Variants in UST observed in about 807,000 individuals in gnomAD.
UST encodes chondroitin sulfate 2-O-sulfotransferase.
Under a neutral mutation model 45.6 loss-of-function variants are expected in UST, and 21 were observed. The ratio of observed to expected loss-of-function variants is 0.46; its 90% CI spans 0.33 to 0.66. The LOEUF (loss-of-function observed/expected upper bound fraction) is 0.66, where lower values mean the gene tolerates loss of function less well. Among genes scored for constraint, UST ranks in the 30% least tolerant of loss-of-function variants. UST has a pLI of 0.02. For synonymous variants in UST, 215 were observed against 200.6 expected, an observed-to-expected ratio of 1.07 and a Z score of -0.61; for missense variants, 463 against 512.4, an observed-to-expected ratio of 0.90 and a Z score of 0.93.
intron 5 of UST, among the ~76,000 whole-genome samples, chr6:148,967,800 A>T (rs1280002577): frequency 3.3e-5 from 5 of 152,168 alleles, no homozygotes; most frequent in African/African-American, 1.2e-4. Context: ...GCTTTATCCC[A>T]TTGCCAAAAT....
At chr6:148,809,951 T>A (rs907506329) in intron 1 of UST, among the ~76,000 whole-genome samples, 1 of 152,238 alleles carries the variant, frequency 6.6e-6, no homozygotes, top group Non-Finnish European at 1.5e-5. Flanking sequence ...AACAGTATCA[T>A]GTACAGAAAG....
chr6:148,814,712 G>A (rs1376186274), intron 1 of UST, among the ~76,000 whole-genome samples: 1 of 152,124 alleles, frequency 6.6e-6, no homozygotes, highest in African/African-American at 2.4e-5. Context: ...AATCTCTACT[G>A]GATTCTTTGC....
At chr6:149,025,834 A>G (rs984306877) in intron 7 of UST, among the ~76,000 whole-genome samples, 1 of 151,950 alleles carries the variant, frequency 6.6e-6, no homozygotes, top group African/African-American at 2.4e-5. Flanking sequence ...AACATAGCAA[A>G]AGCTCGTCTC....
chr6:148,814,321 T>G (rs757435263), intron 1 of UST, among the ~76,000 whole-genome samples: 4 of 152,174 alleles, frequency 2.6e-5, no homozygotes, highest in Non-Finnish European at 4.4e-5. Context: ...CTCTGCCCCC[T>G]TCTGCTTTTA....
intron 2 of UST, among the ~76,000 whole-genome samples, chr6:148,917,066 G>C (rs887563517): frequency 4.6e-5 from 7 of 152,238 alleles, no homozygotes; most frequent in African/African-American, 1.7e-4. Context: ...TGAAGAAAGG[G>C]AAGAGGAGGG....
At chr6:148,863,852 C>T (rs777957302) in intron 1 of UST, among the ~76,000 whole-genome samples, 2 of 152,170 alleles carry the variant, frequency 1.3e-5, no homozygotes, top group Non-Finnish European at 2.9e-5. Flanking sequence ...CCTGCCTGAT[C>T]CTTCTTCTGG....
intron 1 of UST, among the ~76,000 whole-genome samples, chr6:148,884,375 G>C (rs554174369): frequency 3.3e-5 from 5 of 152,300 alleles, no homozygotes; most frequent in African/African-American, 7.2e-5. Flanking sequence ...CTAGCTGAAA[G>C]AGAAAGACGG....
At chr6:149,010,763 C>T (rs1002755181) in intron 5 of UST, among the ~76,000 whole-genome samples, 1 of 151,708 alleles carries the variant, frequency 6.6e-6, no homozygotes, top group Non-Finnish European at 1.5e-5. Flanking sequence ...TGTGGTGACA[C>T]GTGCCTGTAA....
At chr6:148,944,464 T>A (rs1333072322) in intron 3 of UST, among the ~76,000 whole-genome samples, 1 of 149,032 alleles carries the variant, frequency 6.7e-6, no homozygotes, top group Non-Finnish European at 1.5e-5. Flanking sequence ...TGGGCCACAG[T>A]CAAATTCACA....
At chr6:148,756,442 T>C (rs1017042921) in intron 1 of UST, among the ~76,000 whole-genome samples, 4 of 152,218 alleles carry the variant, frequency 2.6e-5, no homozygotes, top group Non-Finnish European at 5.9e-5. Flanking sequence ...CATTCAAAAT[T>C]ACCAGGGAAC....
intron 1 of UST, among the ~76,000 whole-genome samples, chr6:148,871,117 C>CCTCTCTCACTCTCT (rs1778544217): frequency 1.0e-5 from 1 of 97,586 alleles, no homozygotes; most frequent in Non-Finnish European, 1.9e-5. Flanking sequence ...GCATTCTCTC[C>CCTCTCTCACTCTCT]CTCTCTCTCT....
intron 1 of UST, among the ~76,000 whole-genome samples, chr6:148,766,243 T>C (rs891756003): frequency 1.3e-5 from 2 of 152,156 alleles, no homozygotes; most frequent in African/African-American, 4.8e-5. Flanking sequence ...ACTTTGTTAA[T>C]TGCAGAGTAA....
At chr6:148,775,928 G>A (rs1053590117) in intron 1 of UST, among the ~76,000 whole-genome samples, 14 of 152,042 alleles carry the variant, frequency 9.2e-5, no homozygotes, top group African/African-American at 2.4e-4. Context: ...CACTGCGCCC[G>A]GCCTGGTAAA....
chr6:149,041,965 A>G (rs1234200254), intron 7 of UST, among the ~76,000 whole-genome samples: 2 of 152,222 alleles, frequency 1.3e-5, no homozygotes, highest in Non-Finnish European at 2.9e-5. Flanking sequence ...TCCCAGGGGA[A>G]TTTCTAATAA....
intron 4 of UST, among the ~76,000 whole-genome samples, chr6:148,956,702 G>A (rs1281196963): frequency 6.6e-6 from 1 of 152,154 alleles, no homozygotes; most frequent in Non-Finnish European, 1.5e-5. Context: ...GACAGGGCTG[G>A]GCTCTGCTTC....
chr6:148,905,346 A>C (rs1044384767), intron 2 of UST, among the ~76,000 whole-genome samples: 4 of 152,290 alleles, frequency 2.6e-5, no homozygotes, highest in African/African-American at 9.6e-5. Flanking sequence ...AGCCTAGTGA[A>C]AGGCAGACTG....
chr6:148,968,383 G>A (rs977693282), intron 5 of UST, among the ~76,000 whole-genome samples: 1 of 152,206 alleles, frequency 6.6e-6, no homozygotes, highest in Non-Finnish European at 1.5e-5. Context: ...TCGCATAGAT[G>A]CAAGTTCAAC....
intron 1 of UST, among the ~76,000 whole-genome samples, chr6:148,762,065 G>A (rs1776233707): frequency 6.6e-6 from 1 of 152,150 alleles, no homozygotes; most frequent in Non-Finnish European, 1.5e-5. Context: ...TCAAAAGGCT[G>A]TTCTTGTTTG....
intron 1 of UST, among the ~76,000 whole-genome samples, chr6:148,801,883 G>A (rs1272982835): frequency 2.6e-5 from 4 of 152,220 alleles, no homozygotes; most frequent in African/African-American, 9.6e-5. Context: ...AGGTCAAATA[G>A]ATGGAAGTTG....
Sources: gnomAD v4.1 joint callset for allele counts (sites outside exome capture counted in the v4.1 genomes callset) on GRCh38, gnomAD v4.1.1 for gene constraint, MANE v1.5 for transcripts, NCBI Gene and HGNC (gene_info 2026-07-23, HGNC 2026-07-21) for gene names.